The following ZFAND1 variants were observed in gnomAD, a reference collection of about 807,000 sequenced individuals.
ZFAND1 encodes AN1-type zinc finger protein 1.
Under a neutral mutation model 38.5 loss-of-function variants are expected in ZFAND1, and 40 were observed. The observed-to-expected ratio is 1.04, with a 90% CI of 0.81 to 1.35. The LOEUF (loss-of-function observed/expected upper bound fraction) is 1.35. Ranked by LOEUF, ZFAND1 falls within the 40% of genes most tolerant of loss-of-function variation. The pLI is 0.00. For synonymous variants in ZFAND1, 117 were observed against 103.6 expected, an observed-to-expected ratio of 1.13 and a Z score of -0.78; for missense variants, 346 against 316.3, an observed-to-expected ratio of 1.09 and a Z score of -0.71.
chr8:81,706,057 G>A lies in ZFAND1; in HGVS notation c.481-2933C>T, dbSNP rs559020648. 2.2e-4 allele frequency among the ~76,000 whole-genome samples: 34 copies of A among 151,926 alleles called. No homozygotes were observed. In the South Asian group the frequency reaches 5.2e-3, roughly 23 times the overall value. ...AGTCAAAATTTACAATGTGTCAAACGGAATAATTAAAATAAATCCACACGT... is the reference window on the plus strand; with the variant it reads ...AGTCAAAATTTACAATGTGTCAAACAGAATAATTAAAATAAATCCACACGT... On this transcript the variant is annotated intron_variant, in intron 6 of 7. Transcript: ENST00000220669.
chr8:81,710,094 T>C lies in ZFAND1; in HGVS notation c.480+3824A>G, dbSNP rs1808095120. 2.0e-5 allele frequency among the ~76,000 whole-genome samples: 3 copies of C among 152,196 alleles called. No individual in the cohort carries two copies. The South Asian group carries it at 6.2e-4, about 31-fold the overall frequency. The stretch of plus-strand genomic sequence containing the variant: ...CTGTTGTCGGCCTTGTCCTCTACAA[T>C]GTAGGAATTTAACAGCATCTCTGGC... On this transcript the variant is annotated intron_variant, in intron 6 of 7. Transcript: ENST00000220669.
chr8:81,719,117 T>C (rs1166502340), intron 1 of ZFAND1, among the ~76,000 whole-genome samples: 2 of 152,060 alleles, frequency 1.3e-5, no homozygotes. Context: ...ATACAGTAAC[T>C]ATAATTAATA....
chr8:81,705,782 G>C (rs1410336166), intron 6 of ZFAND1, among the ~76,000 whole-genome samples: 2 of 152,186 alleles, frequency 1.3e-5, no homozygotes. Flanking sequence ...AGCCAGGTGT[G>C]GGGGCACGCG....
chr8:81,708,818 C>G (rs1052049284), intron 6 of ZFAND1: 13 of 1,263,252 alleles, frequency 1.0e-5, no homozygotes, highest in Middle Eastern at 2.2e-4. Flanking sequence ...TACTTCACTC[C>G]AGATTACTCA....
chr8:81,703,433 T>C (rs1270157489), intron 6 of ZFAND1, among the ~76,000 whole-genome samples: 1 of 152,134 alleles, frequency 6.6e-6, no homozygotes, highest in African/African-American at 2.4e-5. Context: ...ATTTATTTAT[T>C]TATTTTTGAG....
rs1407395301 is a variant in ZFAND1, at chr8:81,721,248, C to T, written c.34G>A (p.Val12Met). 6 of 1,549,136 alleles carry T rather than the reference C, an allele frequency of 3.9e-6. No homozygotes were observed. Among genetic ancestry groups the T allele is most frequent in the Admixed American group, 2.0e-5 (1 of 51,024 alleles). Residue 12 changes from valine to methionine, a missense_variant, in exon 1 of 8, where the codon GTG becomes ATG. Val to Met is a conservative substitution (Grantham distance 21). Transcript: ENST00000220669. The stretch of plus-strand genomic sequence containing the variant: ...TCACCTCGCTGCCGGCAATGCTCCA[C>T]CTGGCAGTGCTGCCCGATGTCCAAC... ...AELDIGQHCQ[V>M]EHCRQRDFLP...
chr8:81,707,016 T>C (rs1287570365), intron 6 of ZFAND1, among the ~76,000 whole-genome samples: 1 of 152,106 alleles, frequency 6.6e-6, no homozygotes, highest in Non-Finnish European at 1.5e-5. Context: ...AGAAAGACAA[T>C]GTCATAAAAA....
At chr8:81,714,672 TATC>T (rs1041170895) in intron 5 of ZFAND1, 129 bp downstream of exon 5, 2 of 768,884 alleles carry the variant, frequency 2.6e-6, no homozygotes, top group African/African-American at 3.5e-5. Context: ...GTCACAAGAA[TATC>T]ATCAAAATAC....
At position 81,701,407 on chromosome 8, in the gene ZFAND1, A is replaced by T. The variant is rs968668831; in HGVS notation, c.*1288T>A. On this transcript the variant is annotated 3_prime_UTR_variant, in exon 8 of 8. Coordinates refer to ENST00000220669, the MANE Select transcript of ZFAND1 (RefSeq NM_024699.3). The stretch of plus-strand genomic sequence containing the variant: ...TTAGACATAATGCTATTGCACATTA[A>T]ATAGACTATAGTATAGTGTAAACAT... The T allele has an allele frequency of 1.3e-5, 2 of 152,202 alleles. No homozygotes were observed. The highest frequency in any genetic ancestry group is 1.3e-4 in the Admixed American group (2 of 15,264). The allele number at this position is 152,202 out of a possible 1,614,324, so 9.4% of individuals were successfully genotyped here.
chr8:81,706,283 A>G (rs1421744684), intron 6 of ZFAND1, among the ~76,000 whole-genome samples: 1 of 148,194 alleles, frequency 6.7e-6, no homozygotes, highest in Non-Finnish European at 1.5e-5. Context: ...AAAGACTCAT[A>G]GAGTTTATTA....
At chr8:81,708,477 A>G (rs1262942158) in intron 6 of ZFAND1, among the ~76,000 whole-genome samples, 2 of 152,132 alleles carry the variant, frequency 1.3e-5, no homozygotes, top group African/African-American at 2.4e-5. Context: ...ATAGTCTAGG[A>G]GCTCCTATAA....
chr8:81,714,139 T>A, intron 5 of ZFAND1, 100 bp from the exon 6 acceptor site: 4 of 1,161,864 alleles, frequency 3.4e-6, no homozygotes, highest in Non-Finnish European at 4.7e-6. Flanking sequence ...ATATATAAAT[T>A]ACACACAAGA....
At chr8:81,717,528 G>A (rs990550636) in intron 2 of ZFAND1, among the ~76,000 whole-genome samples, 41 of 152,006 alleles carry the variant, frequency 2.7e-4, no homozygotes, top group African/African-American at 9.7e-4. Context: ...CCTAAATTAC[G>A]TTTACGTTGC....
At chr8:81,707,630 A>G (rs1465721305) in intron 6 of ZFAND1, among the ~76,000 whole-genome samples, 1 of 152,216 alleles carries the variant, frequency 6.6e-6, no homozygotes, top group African/African-American at 2.4e-5. Context: ...AAATACTAAG[A>G]AAAAAATGGA....
chr8:81,714,833 G>A lies in ZFAND1; in HGVS notation c.329C>T (p.Ala110Val), dbSNP rs958186976. The change falls in exon 5 of 8, where the codon GCC becomes GTC. Residue 110 changes from alanine to valine, a missense_variant. Ala to Val is a moderately conservative substitution (Grantham distance 64). Coordinates refer to ENST00000220669, the MANE Select transcript of ZFAND1 (RefSeq NM_024699.3). ...KLEIPKPRMA[A>V]TQKLVKDIID... is the part of the protein sequence containing the mutation. ...AATGTCTTTAACAAGTTTCTGAGTGGCAGCCATTCGAGGCTTTGGGATTTC... is the reference window on the plus strand; with the variant it reads ...AATGTCTTTAACAAGTTTCTGAGTGACAGCCATTCGAGGCTTTGGGATTTC... The A allele has an allele frequency of 6.2e-6, 10 of 1,613,940 alleles. No individual in the cohort carries two copies. The highest frequency in any genetic ancestry group is 5.0e-5 in the Admixed American group (3 of 59,998).
rs1446591927 is a variant in ZFAND1, at chr8:81,701,425, G to A, written c.*1270C>T. On this transcript the variant is annotated 3_prime_UTR_variant, in exon 8 of 8. Transcript: ENST00000220669. ...CACATTAAATAGACTATAGTATAGT[G>A]TAAACATAATTTTTATATGCCCTGG... is the stretch of plus-strand genomic sequence containing the variant. 1 of 151,370 alleles carries A rather than the reference G, an allele frequency of 6.6e-6. No homozygotes were observed. The highest frequency in any genetic ancestry group is 2.4e-5 in the African/African-American group (1 of 41,184). 9.4% of individuals were successfully genotyped at this position (151,370 alleles called of 1,614,324 possible). A position where few individuals can be genotyped will look rare whatever the true frequency, so the allele number is the denominator to read the frequency against.
chr8:81,707,979 T>C (rs1808031016), intron 6 of ZFAND1, among the ~76,000 whole-genome samples: 1 of 152,206 alleles, frequency 6.6e-6, no homozygotes, highest in South Asian at 2.1e-4. Flanking sequence ...CCAGGCGCAG[T>C]GGCTCACGCC....
intron 6 of ZFAND1, among the ~76,000 whole-genome samples, chr8:81,709,596 C>T (rs972106438): frequency 6.6e-6 from 1 of 151,878 alleles, no homozygotes; most frequent in Non-Finnish European, 1.5e-5. Context: ...TACACATATA[C>T]GTATATACAT....
At chr8:81,711,135 C>T (rs1214355652) in intron 6 of ZFAND1, among the ~76,000 whole-genome samples, 2 of 152,046 alleles carry the variant, frequency 1.3e-5, no homozygotes, top group Admixed American at 6.6e-5. Context: ...AACAAACTGC[C>T]GGGCATGGTG....
Sources: allele counts gnomAD v4.1 joint callset (sites outside exome capture counted in the v4.1 genomes callset), GRCh38; gene constraint gnomAD v4.1.1; transcripts MANE v1.5; gene names NCBI Gene and HGNC (gene_info 2026-07-23, HGNC 2026-07-21).